Variants in DMXL2 observed in about 807,000 individuals in gnomAD.
The protein encoded by DMXL2 is Dmx like 2.
A neutral mutation model predicts 331.1 loss-of-function variants in DMXL2; 103 were observed. That is an observed-to-expected ratio of 0.31 (90% CI 0.27 to 0.37). The LOEUF (loss-of-function observed/expected upper bound fraction) is 0.37. Ranked by LOEUF, DMXL2 falls within the 10% of genes least tolerant of loss-of-function variation. DMXL2 has a pLI of 1.00. For missense variants in DMXL2, 3,171 were observed against 3,642.9 expected (o/e 0.87, Z 3.33); for synonymous variants, 1,281 against 1,252.1 (o/e 1.02, Z -0.49).
chr15:51,592,260 C>T (rs2052420729), intron 1 of DMXL2, among the ~76,000 whole-genome samples: 1 of 152,100 alleles, frequency 6.6e-6, no homozygotes, highest in South Asian at 2.1e-4. Context: ...ACAGGAACTA[C>T]ATGACGAATG....
chr15:51,616,935 T>TA (rs34051640), intron 1 of DMXL2, among the ~76,000 whole-genome samples: 18,914 of 81,204 alleles, frequency 0.23, 2,233 homozygotes, highest in East Asian at 0.41. Context: ...AGACTCCATC[T>TA]AAAAAAAAAA....
Position 51,509,760 on chromosome 15 carries a change from A to C in DMXL2, c.2645-2507T>G, listed in dbSNP as rs566699139. ...GTGGCAGAGACACAACAAAAAAAGA[A>C]AATTTCAGGCCAATATCCCTGATGA... On this transcript the variant is annotated intron_variant, in intron 15 of 43. Coordinates refer to ENST00000560891, the MANE Select transcript of DMXL2 (RefSeq NM_001378457.1). Among the ~76,000 whole-genome samples, 6 of 152,302 alleles carry C rather than the reference A, an allele frequency of 3.9e-5. 1 individual carries two copies. The South Asian group carries it at 1.2e-3, about 32-fold the overall frequency.
At chr15:51,481,744 G>A in intron 23 of DMXL2, 121 bp from the exon 24 acceptor site, 1 of 908,992 alleles carries the variant, frequency 1.1e-6, no homozygotes, top group Non-Finnish European at 1.6e-6. Context: ...ACCTACGATA[G>A]GTTACACTAT....
intron 34 of DMXL2, chr15:51,459,062 T>G (rs1408556509): frequency 2.6e-6 from 1 of 380,186 alleles, no homozygotes; most frequent in Non-Finnish European, 4.8e-6. Context: ...TAATATATTT[T>G]TATTAGTAAT....
intron 13 of DMXL2, among the ~76,000 whole-genome samples, chr15:51,528,686 C>T (rs1792272356): frequency 6.6e-6 from 1 of 152,126 alleles, no homozygotes; most frequent in South Asian, 2.1e-4. Flanking sequence ...GAGACTTCGA[C>T]ATCACTCAGA....
intron 1 of DMXL2, among the ~76,000 whole-genome samples, chr15:51,602,637 G>C (rs770971696): frequency 1.3e-5 from 2 of 152,196 alleles, no homozygotes; most frequent in Non-Finnish European, 2.9e-5. Context: ...TTAAACAGCA[G>C]AGCAAAGACC....
At chr15:51,464,126 T>C (rs1367676668) in intron 32 of DMXL2, among the ~76,000 whole-genome samples, 2 of 152,152 alleles carry the variant, frequency 1.3e-5, no homozygotes, top group Non-Finnish European at 2.9e-5. Flanking sequence ...AAATATGCCA[T>C]ACGCAGTGGC....
chr15:51,456,302 T>C lies in DMXL2; in HGVS notation c.8398+7A>G, dbSNP rs902945054. The C allele has an allele frequency of 1.9e-6, 3 of 1,597,708 alleles. No individual in the cohort carries two copies. In the African/African-American group the frequency reaches 4.1e-5, roughly 22 times the overall value. ...ACACTTACAATTATTAGGTCATAAATACTTACAGTATTGATGGACTGGGTG... is the reference window on the plus strand; with the variant it reads ...ACACTTACAATTATTAGGTCATAAACACTTACAGTATTGATGGACTGGGTG... On this transcript the variant is annotated splice_region_variant and intron_variant, in intron 38 of 43. Transcript: ENST00000560891.
In DMXL2 at chr15:51,448,958, T is replaced by A. The variant is rs1347916289; in HGVS notation, c.*26A>T. ...ACTGTAGTGTGCCTTTTAACTGAAA[T>A]GTATATAAAAATAAAACCCCAATCT... On this transcript the variant is annotated 3_prime_UTR_variant, in exon 44 of 44. Coordinates refer to ENST00000560891, the MANE Select transcript of DMXL2 (RefSeq NM_001378457.1). 6.2e-7 allele frequency: 1 copy of A among 1,607,682 alleles called. No individual in the cohort carries two copies. Among genetic ancestry groups the A allele is most frequent in the South Asian group, 1.1e-5 (1 of 90,476 alleles).
At chr15:51,573,813 G>C (rs2050833057) in intron 2 of DMXL2, among the ~76,000 whole-genome samples, 2 of 152,056 alleles carry the variant, frequency 1.3e-5, no homozygotes, top group African/African-American at 4.8e-5. Context: ...TACACGTTCT[G>C]CACGTGTGCC....
chr15:51,508,722 C>G (rs55725532), intron 15 of DMXL2, among the ~76,000 whole-genome samples: 26,485 of 152,212 alleles, frequency 0.17, 2,808 homozygotes, highest in Non-Finnish European at 0.24. Context: ...ACTCCTCATT[C>G]TGAAACTGTC....
chr15:51,522,911 T>C (rs1236830700), intron 13 of DMXL2, among the ~76,000 whole-genome samples: 1 of 152,222 alleles, frequency 6.6e-6, no homozygotes, highest in Non-Finnish European at 1.5e-5. Flanking sequence ...ACATGCTTAG[T>C]TGGCCTCAAC....
intron 34 of DMXL2, chr15:51,459,294 C>T: frequency 4.3e-6 from 1 of 234,644 alleles, no homozygotes; most frequent in Non-Finnish European, 8.8e-6. Flanking sequence ...GATGCAATGG[C>T]TTAGGGTTGG....
intron 29 of DMXL2, among the ~76,000 whole-genome samples, chr15:51,468,600 G>C (rs1055850580): frequency 6.6e-6 from 1 of 152,084 alleles, no homozygotes; most frequent in Non-Finnish European, 1.5e-5. Context: ...CTGTCTTTCC[G>C]ACTCAAAATG....
chr15:51,599,639 A>C (rs1219763962), intron 1 of DMXL2, among the ~76,000 whole-genome samples: 1 of 152,232 alleles, frequency 6.6e-6, no homozygotes, highest in Non-Finnish European at 1.5e-5. Context: ...ACACATACAC[A>C]TCTATGAGGT....
At chr15:51,500,727 G>A (rs2043530633) in intron 17 of DMXL2, among the ~76,000 whole-genome samples, 1 of 152,062 alleles carries the variant, frequency 6.6e-6, no homozygotes, top group Non-Finnish European at 1.5e-5. Context: ...GTTTCAGACC[G>A]CAAAACAGAC....
In DMXL2 at chr15:51,449,329, A is replaced by T. The variant is rs905180285; in HGVS notation, c.8968-136T>A. The T allele has an allele frequency of 1.7e-5, 12 of 718,024 alleles. No individual in the cohort carries two copies. The South Asian group carries it at 2.0e-4, about 12-fold the overall frequency. 44.5% of individuals were successfully genotyped at this position (718,024 alleles called of 1,614,324 possible). A position where few individuals can be genotyped will look rare whatever the true frequency, so the allele number is the denominator to read the frequency against. ...CCCACTGCCTCTTTCCTAAGAGCTT[A>T]TCTAAGTGGGAAATGATAACACCAC... On this transcript the variant is annotated intron_variant, in intron 43 of 43. Transcript: ENST00000560891.
intron 25 of DMXL2, 133 bp from the exon 26 acceptor site, chr15:51,478,480 C>G (rs1175869270): frequency 1.4e-6 from 1 of 698,730 alleles, no homozygotes; most frequent in Non-Finnish European, 2.4e-6. Context: ...AGACTACTAA[C>G]TCTGCTTTAA....
intron 42 of DMXL2, chr15:51,450,615 G>A: frequency 2.4e-6 from 1 of 417,464 alleles, no homozygotes; most frequent in Non-Finnish European, 4.5e-6. Flanking sequence ...AAGTGATACT[G>A]CCTCATAAAA....
Sources: allele counts gnomAD v4.1 joint callset (sites outside exome capture counted in the v4.1 genomes callset), GRCh38; gene constraint gnomAD v4.1.1; transcripts MANE v1.5; gene names NCBI Gene and HGNC (gene_info 2026-07-23, HGNC 2026-07-21).